Variants in CFAP20DC observed in about 807,000 individuals in gnomAD.
CFAP20DC encodes CFAP20 domain containing, also known as protein CFAP20DC.
In CFAP20DC, 84 loss-of-function variants were observed where a neutral mutation model predicts 101.7. The observed-to-expected ratio is 0.83, with a 90% CI of 0.69 to 0.99. CFAP20DC has a LOEUF of 0.99. Ranked by LOEUF, CFAP20DC falls within the 50% of genes least tolerant of loss-of-function variation. The probability of loss-of-function intolerance (pLI) is 0.00; values close to 1 mark genes in which losing one functional copy is unlikely to be tolerated. For synonymous variants in CFAP20DC, 359 were observed against 351.2 expected, an observed-to-expected ratio of 1.02 and a Z score of -0.25; for missense variants, 1,007 against 970.3, an observed-to-expected ratio of 1.04 and a Z score of -0.50.
chr3:58,736,985 A>T (rs1369017776), intron 3 of CFAP20DC, among the ~76,000 whole-genome samples: 1 of 152,220 alleles, frequency 6.6e-6, no homozygotes, highest in Non-Finnish European at 1.5e-5. Context: ...ATTCATTAAG[A>T]TGTAAGACTC....
intron 14 of CFAP20DC, among the ~76,000 whole-genome samples, chr3:58,827,138 T>C (rs1276791023): frequency 6.6e-6 from 1 of 152,108 alleles, no homozygotes; most frequent in Non-Finnish European, 1.5e-5. Flanking sequence ...GGTTCATTAA[T>C]TGTAACAAAT....
At chr3:59,042,437 G>T (rs188127132) in intron 3 of CFAP20DC, among the ~76,000 whole-genome samples, 1 of 151,916 alleles carries the variant, frequency 6.6e-6, no homozygotes, top group Non-Finnish European at 1.5e-5. Flanking sequence ...GTCTATTCTC[G>T]GGGGTAAATG....
chr3:58,802,605 G>A (rs2073791503), intron 15 of CFAP20DC, among the ~76,000 whole-genome samples: 1 of 152,176 alleles, frequency 6.6e-6, no homozygotes, highest in Non-Finnish European at 1.5e-5. Context: ...AGACACGCAA[G>A]GGAATATGAT....
At chr3:58,771,228 C>T (rs1371171042) in intron 15 of CFAP20DC, among the ~76,000 whole-genome samples, 2 of 149,452 alleles carry the variant, frequency 1.3e-5, no homozygotes, top group African/African-American at 2.5e-5. Flanking sequence ...GGGAGGGGAA[C>T]ATCACACACT....
chr3:58,810,504 C>T (rs947842371), intron 14 of CFAP20DC, among the ~76,000 whole-genome samples: 2 of 152,058 alleles, frequency 1.3e-5, no homozygotes, highest in African/African-American at 2.4e-5. Context: ...AATTCAACAA[C>T]CCTCCATGCT....
chr3:58,807,309 G>A (rs2074170540), intron 14 of CFAP20DC, among the ~76,000 whole-genome samples: 1 of 152,156 alleles, frequency 6.6e-6, no homozygotes, highest in African/African-American at 2.4e-5. Context: ...TAACTGGGAG[G>A]CACCCCCCAG....
intron 15 of CFAP20DC, among the ~76,000 whole-genome samples, chr3:58,790,175 C>CTAAT (rs2107628187): frequency 6.6e-6 from 1 of 152,312 alleles, no homozygotes; most frequent in Admixed American, 6.5e-5. Context: ...CCTCCTTCTT[C>CTAAT]TAATTATTAC....
intron 14 of CFAP20DC, among the ~76,000 whole-genome samples, chr3:58,809,507 G>C (rs2074419050): frequency 6.6e-6 from 1 of 151,884 alleles, no homozygotes; most frequent in African/African-American, 2.4e-5. Context: ...AAACCAACGA[G>C]AACAAAGACA....
At chr3:58,970,385 G>C (rs1178591645) in intron 4 of CFAP20DC, 1 of 152,168 alleles carries the variant, frequency 6.6e-6, no homozygotes, top group Non-Finnish European at 1.5e-5. Flanking sequence ...GACAGACGGA[G>C]AGGATGCTGT....
At chr3:58,872,985 A>C (rs757179180) in intron 7 of CFAP20DC, among the ~76,000 whole-genome samples, 22 of 150,350 alleles carry the variant, frequency 1.5e-4, no homozygotes, top group Non-Finnish European at 3.3e-4. Flanking sequence ...GCTGTCAGGC[A>C]GGTCCTCAAG....
chr3:58,733,192 C>T (rs374582914), intron 3 of CFAP20DC, among the ~76,000 whole-genome samples: 63 of 152,098 alleles, frequency 4.1e-4, no homozygotes, highest in Non-Finnish European at 7.6e-4. Context: ...AATAGCTGGG[C>T]GTGGTGGCGC....
At chr3:58,982,514 T>C (rs2092596399) in intron 4 of CFAP20DC, among the ~76,000 whole-genome samples, 1 of 151,912 alleles carries the variant, frequency 6.6e-6, no homozygotes, top group Non-Finnish European at 1.5e-5. Flanking sequence ...CACCATGGAA[T>C]ACTATGCAGC....
chr3:59,029,584 G>C (rs1481548067), intron 4 of CFAP20DC, among the ~76,000 whole-genome samples: 1 of 152,132 alleles, frequency 6.6e-6, no homozygotes, highest in Non-Finnish European at 1.5e-5. Flanking sequence ...GCTACCAGCA[G>C]AGTGAGTGCT....
intron 15 of CFAP20DC, among the ~76,000 whole-genome samples, chr3:58,773,017 C>CTT (rs577204500): frequency 5.5e-5 from 8 of 146,026 alleles, no homozygotes; most frequent in Admixed American, 4.1e-4. Context: ...TTTTTTACTC[C>CTT]TTTTTTTTTT....
At chr3:58,962,318 A>G (rs1302688879) in intron 4 of CFAP20DC, among the ~76,000 whole-genome samples, 1 of 152,078 alleles carries the variant, frequency 6.6e-6, no homozygotes, top group African/African-American at 2.4e-5. Flanking sequence ...GTATGTGAGG[A>G]TTTCCTCAAT....
intron 4 of CFAP20DC, among the ~76,000 whole-genome samples, chr3:58,980,432 T>A (rs908656231): frequency 6.6e-6 from 1 of 152,128 alleles, no homozygotes; most frequent in Non-Finnish European, 1.5e-5. Flanking sequence ...ATATCCTTGA[T>A]GAACATTGAT....
chr3:58,815,082 G>C lies in CFAP20DC; in HGVS notation c.2176-8626C>G, dbSNP rs795406. ...CTAAGCCAAAAGAACAAAGCTGGAG[G>C]CATCACACTACCTGACTTCAAACTA... On this transcript the variant is annotated intron_variant, in intron 14 of 16. Transcript: ENST00000482387. 1.3e-4 allele frequency among the ~76,000 whole-genome samples: 19 copies of C among 151,488 alleles called. 1 individual carries two copies. Among genetic ancestry groups the C allele is most frequent in the African/African-American group, 2.7e-4 (11 of 41,136 alleles).
At chr3:59,000,500 A>T (rs982013966) in intron 4 of CFAP20DC, among the ~76,000 whole-genome samples, 1 of 152,202 alleles carries the variant, frequency 6.6e-6, no homozygotes, top group East Asian at 1.9e-4. Context: ...TAAGATCTGG[A>T]AATAAAATCT....
intron 4 of CFAP20DC, among the ~76,000 whole-genome samples, chr3:59,032,442 C>T (rs955697180): frequency 7.2e-5 from 11 of 152,312 alleles, no homozygotes; most frequent in Admixed American, 5.2e-4. Flanking sequence ...AAGCTAAGAT[C>T]CACTGGCTTG....
Sources: gnomAD v4.1 joint callset for allele counts (sites outside exome capture counted in the v4.1 genomes callset) on GRCh38, gnomAD v4.1.1 for gene constraint, MANE v1.5 for transcripts, NCBI Gene and HGNC (gene_info 2026-07-23, HGNC 2026-07-21) for gene names.